Variants in ZNF721 observed in about 807,000 individuals in gnomAD.
ZNF721 encodes the protein zinc finger protein 721.
Under a neutral mutation model 2.4 loss-of-function variants are expected in ZNF721, and 2 were observed. That is an observed-to-expected ratio of 0.82 (90% CI 0.34 to 2.58). The LOEUF (loss-of-function observed/expected upper bound fraction) is 2.58. Ranked by LOEUF, ZNF721 falls within the 30% of genes most tolerant of loss-of-function variation. The pLI is 0.11. For missense variants in ZNF721, 1,187 were observed against 1,085.5 expected, an observed-to-expected ratio of 1.09 and a Z score of -1.31; for synonymous variants, 398 against 381.8, an observed-to-expected ratio of 1.04 and a Z score of -0.50.
intron 1 of ZNF721, among the ~76,000 whole-genome samples, chr4:474,337 T>A (rs529428546): frequency 1.3e-5 from 2 of 152,144 alleles, no homozygotes; most frequent in Non-Finnish European, 2.9e-5. Flanking sequence ...CCAGGCACTT[T>A]CAGGCGGCGC....
chr4:489,328 T>C (rs1553871079), intron 1 of ZNF721, among the ~76,000 whole-genome samples: 1 of 152,214 alleles, frequency 6.6e-6, no homozygotes, highest in African/African-American at 2.4e-5. Context: ...CAGCCCCACT[T>C]CTGGCAACCC....
intron 1 of ZNF721, among the ~76,000 whole-genome samples, chr4:481,158 G>A (rs1454771125): frequency 6.6e-6 from 1 of 152,274 alleles, no homozygotes; most frequent in African/African-American, 2.4e-5. Flanking sequence ...CTGAGCTCAA[G>A]TAATTATCCT....
At chr4:448,547 C>T (rs1576954031) in intron 2 of ZNF721, among the ~76,000 whole-genome samples, 1 of 151,842 alleles carries the variant, frequency 6.6e-6, no homozygotes, top group Non-Finnish European at 1.5e-5. Context: ...AGATTAAATG[C>T]AATCCCTGTC....
intron 1 of ZNF721, among the ~76,000 whole-genome samples, chr4:495,178 AG>A (rs1171769643): frequency 2.0e-4 from 31 of 152,162 alleles, no homozygotes; most frequent in African/African-American, 7.0e-4. Flanking sequence ...CACCGCGCCC[AG>A]CCTAAATTTT....
intron 1 of ZNF721, among the ~76,000 whole-genome samples, chr4:481,017 G>GCTCAAA (rs1471348650): frequency 6.6e-6 from 1 of 152,044 alleles, no homozygotes; most frequent in Non-Finnish European, 1.5e-5. Flanking sequence ...GACATCCTGG[G>GCTCAAA]CTCAAACAAT....
intron 1 of ZNF721, among the ~76,000 whole-genome samples, chr4:490,465 C>A (rs1715992846): frequency 6.7e-6 from 1 of 150,176 alleles, no homozygotes; most frequent in South Asian, 2.1e-4. Context: ...TGAGACCCGT[C>A]TCAAAAAAAT....
intron 1 of ZNF721, among the ~76,000 whole-genome samples, chr4:497,072 T>C (rs1440662338): frequency 6.6e-6 from 1 of 151,998 alleles, no homozygotes; most frequent in Non-Finnish European, 1.5e-5. Context: ...GTTAATGTTA[T>C]CTTTAGTCAT....
At chr4:492,158 G>A (rs1393444491) in intron 1 of ZNF721, among the ~76,000 whole-genome samples, 11 of 148,200 alleles carry the variant, frequency 7.4e-5, no homozygotes, top group Admixed American at 1.3e-4. Context: ...GGGAGATTCC[G>A]TCTCAAAAAA....
chr4:446,371 AG>A (rs1553864148), intron 2 of ZNF721, among the ~76,000 whole-genome samples: 2 of 150,320 alleles, frequency 1.3e-5, no homozygotes, highest in Non-Finnish European at 2.9e-5. Context: ...AGATGTAATG[AG>A]GAAGTTTTCT....
At chr4:459,435 A>G (rs999245164) in intron 2 of ZNF721, among the ~76,000 whole-genome samples, 7 of 152,296 alleles carry the variant, frequency 4.6e-5, no homozygotes, top group African/African-American at 1.7e-4. Context: ...GCTCAAAATA[A>G]AGGGAGGGAG....
intron 1 of ZNF721, among the ~76,000 whole-genome samples, chr4:483,715 T>C (rs782161905): frequency 2.6e-4 from 39 of 152,176 alleles, no homozygotes; most frequent in Non-Finnish European, 5.1e-4. Context: ...CATTAATCCT[T>C]TACTGTGGAT....
At chr4:474,312 G>A (rs782565494) in intron 1 of ZNF721, 10 of 300,072 alleles carry the variant, frequency 3.3e-5, no homozygotes, top group Non-Finnish European at 5.3e-5. Context: ...AGGCAAGAGT[G>A]ACAGACTAGT....
intron 2 of ZNF721, among the ~76,000 whole-genome samples, chr4:469,458 C>T (rs1214227499): frequency 1.3e-5 from 2 of 151,978 alleles, no homozygotes; most frequent in Non-Finnish European, 2.9e-5. Context: ...CAGACACAAA[C>T]ACATATTTCA....
intron 1 of ZNF721, among the ~76,000 whole-genome samples, chr4:496,003 C>G (rs1295095781): frequency 6.6e-6 from 1 of 152,160 alleles, no homozygotes; most frequent in Non-Finnish European, 1.5e-5. Context: ...GAAATACAGC[C>G]ATTGCTCTTT....
chr4:449,623 C>T (rs1398844912), intron 2 of ZNF721, among the ~76,000 whole-genome samples: 1 of 151,966 alleles, frequency 6.6e-6, no homozygotes, highest in Non-Finnish European at 1.5e-5. Context: ...GCAAAGACAG[C>T]AGAGTGAAGA....
chr4:471,535 G>A (rs1236435552), intron 2 of ZNF721, among the ~76,000 whole-genome samples: 1 of 152,100 alleles, frequency 6.6e-6, no homozygotes, highest in African/African-American at 2.4e-5. Context: ...GTAGAATGGC[G>A]ATTGTTAGTG....
At chr4:478,569 T>C (rs1715695955) in intron 1 of ZNF721, among the ~76,000 whole-genome samples, 1 of 152,188 alleles carries the variant, frequency 6.6e-6, no homozygotes, top group African/African-American at 2.4e-5. Context: ...AATTTCCTTT[T>C]ATAAAATAGA....
intron 1 of ZNF721, among the ~76,000 whole-genome samples, chr4:493,998 T>C (rs1553871863): frequency 1.3e-5 from 2 of 152,224 alleles, no homozygotes; most frequent in African/African-American, 4.8e-5. Context: ...AAGAATTTAC[T>C]TAAGTGACAT....
At chr4:461,130 T>C (rs1186726686) in intron 2 of ZNF721, among the ~76,000 whole-genome samples, 1 of 152,146 alleles carries the variant, frequency 6.6e-6, no homozygotes, top group Admixed American at 6.5e-5. Flanking sequence ...TAACAAAGCC[T>C]GGCAGAGACA....
Sources: gnomAD v4.1 joint callset for allele counts (sites outside exome capture counted in the v4.1 genomes callset) on GRCh38, gnomAD v4.1.1 for gene constraint, MANE v1.5 for transcripts, NCBI Gene and HGNC (gene_info 2026-07-23, HGNC 2026-07-21) for gene names.